Variants in DCLK1 observed in about 807,000 individuals in gnomAD.
DCLK1 encodes serine/threonine-protein kinase DCLK1.
DCLK1 carries 16 observed loss-of-function variants against 86.2 expected under a neutral mutation model. The ratio of observed to expected loss-of-function variants is 0.19; its 90% confidence interval spans 0.13 to 0.28. The LOEUF (loss-of-function observed/expected upper bound fraction) is 0.28, where lower values mean the gene tolerates loss of function less well. Ranked by LOEUF, DCLK1 falls within the 10% of genes least tolerant of loss-of-function variation. The pLI, the probability that DCLK1 is intolerant of heterozygous loss-of-function variation, is 1.00. For missense variants in DCLK1, 590 were observed against 940.2 expected (o/e 0.63, Z 4.87); for synonymous variants, 369 against 370.5 (o/e 1.00, Z 0.05).
chr13:35,805,518 C>T lies in DCLK1; in HGVS notation c.1944+181G>A, dbSNP rs368015945. 14 of 539,138 alleles carry T rather than the reference C, an allele frequency of 2.6e-5. No individual in the cohort carries two copies. In the South Asian group the frequency reaches 2.7e-4, roughly 10 times the overall value. 33.4% of individuals were successfully genotyped at this position (539,138 alleles called of 1,614,324 possible). A position where few individuals can be genotyped will look rare whatever the true frequency, so the allele number is the denominator to read the frequency against. The stretch of plus-strand genomic sequence containing the variant: ...TTTGCCATGTTGCCCAAGCTGTCCT[C>T]GAACTCCTGAGCTCAGGCAATCCAC... On this transcript the variant is annotated intron_variant, in intron 15 of 16. Transcript: ENST00000360631.
intron 3 of DCLK1, among the ~76,000 whole-genome samples, chr13:36,013,546 CA>C (rs1220984424): frequency 3.3e-5 from 5 of 152,146 alleles, no homozygotes; most frequent in Admixed American, 6.5e-5. Context: ...GCTCGGGGGT[CA>C]GGGGTCAGGG....
At chr13:36,119,516 G>A (rs9315389) in intron 2 of DCLK1, among the ~76,000 whole-genome samples, 48,621 of 152,012 alleles carry the variant, frequency 0.32, 8,544 homozygotes, top group East Asian at 0.71. Flanking sequence ...TATAACTTTA[G>A]AGTGAATATA....
chr13:35,861,905 C>T (rs1871419685), intron 5 of DCLK1, among the ~76,000 whole-genome samples: 1 of 151,524 alleles, frequency 6.6e-6, no homozygotes, highest in East Asian at 1.9e-4. Context: ...TGGTGGCGGG[C>T]ACCTGTAGTC....
chr13:35,780,379 T>G (rs1291750020), intron 16 of DCLK1, among the ~76,000 whole-genome samples: 15 of 152,194 alleles, frequency 9.9e-5, no homozygotes, highest in Admixed American at 9.2e-4. Flanking sequence ...AGTGTTTCCT[T>G]AGTAAGTTAC....
chr13:36,048,712 C>G (rs78927558), intron 3 of DCLK1, among the ~76,000 whole-genome samples: 3,580 of 152,306 alleles, frequency 0.024, 43 homozygotes, highest in South Asian at 0.059. Flanking sequence ...TTCAGCTTTA[C>G]TAATAAGCTG....
At chr13:36,122,565 A>T (rs556892146) in intron 2 of DCLK1, among the ~76,000 whole-genome samples, 1 of 152,288 alleles carries the variant, frequency 6.6e-6, no homozygotes, top group Admixed American at 6.5e-5. Context: ...TAAATGTGAC[A>T]CCTTTATTTA....
chr13:35,938,851 T>C (rs1876918390), intron 4 of DCLK1, among the ~76,000 whole-genome samples: 1 of 152,126 alleles, frequency 6.6e-6, no homozygotes, highest in African/African-American at 2.4e-5. Context: ...CAAAAATTCA[T>C]GTCACTGTTA....
At chr13:36,023,229 A>G (rs2153151122) in intron 3 of DCLK1, among the ~76,000 whole-genome samples, 1 of 152,344 alleles carries the variant, frequency 6.6e-6, no homozygotes, top group Admixed American at 6.5e-5. Flanking sequence ...ATTTATTGTA[A>G]GAAATTAGCT....
At chr13:35,840,080 G>A (rs1176397788) in intron 6 of DCLK1, among the ~76,000 whole-genome samples, 5 of 152,132 alleles carry the variant, frequency 3.3e-5, no homozygotes, top group African/African-American at 1.2e-4. Context: ...GTGAGGGGGC[G>A]GGCGGCATTG....
In DCLK1 at chr13:36,107,335, A is replaced by ATT. The variant is rs10670428; in HGVS notation, c.723+4532_723+4533dup. Among the ~76,000 whole-genome samples the ATT allele has an allele frequency of 6.8e-3, 752 of 110,274 alleles. 52 individuals are homozygous for ATT. Among genetic ancestry groups the ATT allele is most frequent in the African/African-American group, 0.025 (680 of 27,344 alleles). 72.3% of individuals were successfully genotyped at this position (110,274 alleles called of 152,430 possible). A position where few individuals can be genotyped will look rare whatever the true frequency, so the allele number is the denominator to read the frequency against. ...CACTCTAGCATGCTAGCAGTGGTAGATTTTTTTTTTTTTTTTTTTTTTTTT... is the reference window on the plus strand; with the variant it reads ...CACTCTAGCATGCTAGCAGTGGTAGATTTTTTTTTTTTTTTTTTTTTTTTTTT... On this transcript the variant is annotated intron_variant, in intron 3 of 16. Transcript: ENST00000360631.
chr13:36,054,764 C>T (rs956836080), intron 3 of DCLK1, among the ~76,000 whole-genome samples: 2 of 152,114 alleles, frequency 1.3e-5, no homozygotes, highest in Non-Finnish European at 2.9e-5. Flanking sequence ...GAAACAGAAG[C>T]TAGGAGTGTG....
chr13:35,915,567 T>C (rs1271866696), intron 4 of DCLK1, among the ~76,000 whole-genome samples: 1 of 152,090 alleles, frequency 6.6e-6, no homozygotes, highest in Non-Finnish European at 1.5e-5. Context: ...TAGCTATGTG[T>C]AGTGGTGGGT....
chr13:35,796,502 C>T (rs192730685), intron 15 of DCLK1, among the ~76,000 whole-genome samples: 4 of 152,128 alleles, frequency 2.6e-5, no homozygotes, highest in East Asian at 1.9e-4. Flanking sequence ...AGCAGAGGTG[C>T]GGGGGAGGGA....
At chr13:35,864,256 T>G (rs1438027145) in intron 5 of DCLK1, among the ~76,000 whole-genome samples, 8 of 152,124 alleles carry the variant, frequency 5.3e-5, no homozygotes, top group African/African-American at 9.7e-5. Flanking sequence ...ATACAGGGTA[T>G]CATTCTATGA....
At chr13:35,986,603 A>G (rs1475782641) in intron 3 of DCLK1, among the ~76,000 whole-genome samples, 1 of 152,206 alleles carries the variant, frequency 6.6e-6, no homozygotes, top group Non-Finnish European at 1.5e-5. Flanking sequence ...CACAAAAACC[A>G]CAGCACTTTT....
chr13:35,906,210 T>G (rs1874680172), intron 4 of DCLK1, among the ~76,000 whole-genome samples: 1 of 152,194 alleles, frequency 6.6e-6, no homozygotes. Context: ...TGCCTCATCT[T>G]TATATGGGAG....
At chr13:35,831,476 C>T (rs1868956691) in intron 8 of DCLK1, among the ~76,000 whole-genome samples, 1 of 152,112 alleles carries the variant, frequency 6.6e-6, no homozygotes, top group Admixed American at 6.5e-5. Context: ...ATGAATTCGC[C>T]TTCCTGCATA....
In DCLK1 at chr13:35,772,289, C is replaced by T. The variant is rs927507580; in HGVS notation, c.*2246G>A. The T allele has an allele frequency of 2.0e-5, 3 of 152,032 alleles. No homozygotes were observed. The highest frequency in any genetic ancestry group is 1.3e-4 in the Admixed American group (2 of 15,256). 9.4% of individuals were successfully genotyped at this position (152,032 alleles called of 1,614,324 possible). A position where few individuals can be genotyped will look rare whatever the true frequency, so the allele number is the denominator to read the frequency against. On this transcript the variant is annotated 3_prime_UTR_variant, in exon 17 of 17. Coordinates refer to ENST00000360631, the MANE Select transcript of DCLK1 (RefSeq NM_001330071.2). ...ATGGGAAAAGGCCTGAGCCATGCAC[C>T]GCAGGCTCAGTACACTAGATGCTGT...
chr13:35,988,583 G>A (rs1480627070), intron 3 of DCLK1, among the ~76,000 whole-genome samples: 1 of 152,150 alleles, frequency 6.6e-6, no homozygotes, highest in East Asian at 1.9e-4. Flanking sequence ...CCCAAAGAAT[G>A]GTCTAACAGA....
Sources: gnomAD v4.1 joint callset for allele counts (sites outside exome capture counted in the v4.1 genomes callset) on GRCh38, gnomAD v4.1.1 for gene constraint, MANE v1.5 for transcripts, NCBI Gene and HGNC (gene_info 2026-07-23, HGNC 2026-07-21) for gene names.